The following TFEB variants were observed in gnomAD, a reference collection of about 807,000 sequenced individuals.
The protein encoded by TFEB is transcription factor EB.
In TFEB, 12 loss-of-function variants were observed where a neutral mutation model predicts 48.0. The observed-to-expected ratio is 0.25, with a 90% CI of 0.16 to 0.40. TFEB has a LOEUF of 0.40. Among genes scored for constraint, TFEB ranks in the 10% least tolerant of loss-of-function variants. The pLI is 1.00. For synonymous variants in TFEB, 244 were observed against 261.4 expected (o/e 0.93, Z 0.64); for missense variants, 509 against 640.3 (o/e 0.79, Z 2.21).
chr6:41,730,702 A>C lies in TFEB; in HGVS notation c.-23+4648T>G, dbSNP rs1298369903. 6.6e-6 allele frequency among the ~76,000 whole-genome samples: 1 copy of C among 152,140 alleles called. No individual in the cohort carries two copies. Among genetic ancestry groups the C allele is most frequent in the Non-Finnish European group, 1.5e-5 (1 of 68,034 alleles). On this transcript the variant is annotated intron_variant, in intron 1 of 8. Transcript: ENST00000373033. The surrounding 1 kb of genome is among the most constrained non-coding windows in gnomAD (Gnocchi z 4.1). ...GATCCTACCCTATCACTGCGATTTT[A>C]TCTCTGTCCCCAATGACATCACAGC...
chr6:41,685,318 A>AT, intron 8 of TFEB, among the ~76,000 whole-genome samples: 1 of 152,292 alleles, frequency 6.6e-6, no homozygotes, highest in Non-Finnish European at 1.5e-5. Context: ...CCAGCTTTCT[A>AT]TTTTTTTAAT....
At chr6:41,732,663 T>A (rs1771503277) in intron 1 of TFEB, 1 of 985,754 alleles carries the variant, frequency 1.0e-6, no homozygotes, top group South Asian at 4.7e-5. Context: ...TACCAGGCAC[T>A]GCCGCACCCT....
At chr6:41,726,587 C>T (rs967353823) in intron 1 of TFEB, among the ~76,000 whole-genome samples, 4 of 152,036 alleles carry the variant, frequency 2.6e-5, no homozygotes, top group African/African-American at 4.8e-5. Flanking sequence ...ATTACAGGTG[C>T]GTGCCACAAC....
Position 41,720,362 on chromosome 6 carries a change from C to A in TFEB, c.-23+14988G>T, listed in dbSNP as rs9471635. ...GTCACAGGCTTCTCCTCCCACTGCCCTAGGTCACAGGGTAGGGAGGCCAGG... is the reference window on the plus strand; with the variant it reads ...GTCACAGGCTTCTCCTCCCACTGCCATAGGTCACAGGGTAGGGAGGCCAGG... On this transcript the variant is annotated intron_variant, in intron 1 of 8. Coordinates refer to ENST00000373033, the MANE Select transcript of TFEB (RefSeq NM_001271944.2). The surrounding 1 kb of genome is among the most constrained non-coding windows in gnomAD (Gnocchi z 4.1). 0.1 allele frequency: 15,698 copies of A among 152,260 alleles called. 1,054 individuals are homozygous for A. Among genetic ancestry groups the A allele is most frequent in the African/African-American group, 0.17 (7,113 of 41,482 alleles). The allele number at this position is 152,260 out of a possible 1,614,324, so 9.4% of individuals were successfully genotyped here.
intron 1 of TFEB, among the ~76,000 whole-genome samples, chr6:41,731,924 G>T (rs914663857): frequency 1.3e-5 from 2 of 152,236 alleles, no homozygotes; most frequent in East Asian, 1.9e-4. Flanking sequence ...GTCAAGACAG[G>T]TTCCAGCCGG....
chr6:41,702,531 C>T (rs948569151), intron 1 of TFEB, among the ~76,000 whole-genome samples: 2 of 152,124 alleles, frequency 1.3e-5, no homozygotes, highest in African/African-American at 4.8e-5. Context: ...ACTCCACTTG[C>T]CCCAAGTACC....
At chr6:41,731,116 G>A (rs1159329105) in intron 1 of TFEB, among the ~76,000 whole-genome samples, 1 of 152,162 alleles carries the variant, frequency 6.6e-6, no homozygotes, top group Non-Finnish European at 1.5e-5. Flanking sequence ...TTCATTAGGC[G>A]CTATTCTAAG....
At chr6:41,693,187 C>T (rs1169318893) in intron 1 of TFEB, among the ~76,000 whole-genome samples, 1 of 152,174 alleles carries the variant, frequency 6.6e-6, no homozygotes, top group Non-Finnish European at 1.5e-5. Context: ...GCAGCAAAGG[C>T]TGACATGTTC....
intron 1 of TFEB, chr6:41,733,054 TTAA>T (rs1223342538): frequency 1.0e-6 from 1 of 985,298 alleles, no homozygotes; most frequent in Non-Finnish European, 1.2e-6. Flanking sequence ...AGTAACTCTA[TTAA>T]CTCTGGCTAA....
intron 1 of TFEB, 140 bp downstream of exon 1, chr6:41,735,210 C>T: frequency 1.1e-6 from 1 of 904,216 alleles, no homozygotes; most frequent in Non-Finnish European, 1.3e-6. Flanking sequence ...TGGGTGGCGG[C>T]GCGCACGGTC....
chr6:41,696,003 G>A (rs115326010), intron 1 of TFEB, among the ~76,000 whole-genome samples: 2,309 of 152,270 alleles, frequency 0.015, 58 homozygotes, highest in African/African-American at 0.052. Context: ...TGAGGACACC[G>A]AGTGGCCAGC....
At chr6:41,704,391 G>A (rs562772782) in intron 1 of TFEB, among the ~76,000 whole-genome samples, 63 of 152,342 alleles carry the variant, frequency 4.1e-4, no homozygotes, top group African/African-American at 1.4e-3. Flanking sequence ...AAAGGATGGC[G>A]GTAATGCCAC....
In TFEB at chr6:41,724,729, A is replaced by G. The variant is rs1771133760; in HGVS notation, c.-23+10621T>C. On this transcript the variant is annotated intron_variant, in intron 1 of 8. Coordinates refer to ENST00000373033, the MANE Select transcript of TFEB (RefSeq NM_001271944.2). This position sits in a 1 kb window ranked among gnomAD's most constrained non-coding sequence, Gnocchi z 4.4. ...CCATCCAGCTAAGGACAAAGTTGGA[A>G]ATGTTTTTGTCCTGGGCCCCAAGGC... 1.3e-5 allele frequency among the ~76,000 whole-genome samples: 2 copies of G among 152,116 alleles called. No individual in the cohort carries two copies. Among genetic ancestry groups the G allele is most frequent in the African/African-American group, 2.4e-5 (1 of 41,414 alleles).
chr6:41,713,571 C>A (rs1482315586), intron 1 of TFEB, among the ~76,000 whole-genome samples: 1 of 152,132 alleles, frequency 6.6e-6, no homozygotes, highest in Non-Finnish European at 1.5e-5. Flanking sequence ...AGGGCAGCCA[C>A]CTACCCCCAG....
chr6:41,726,546 C>T (rs1010886354), intron 1 of TFEB, among the ~76,000 whole-genome samples: 6 of 151,940 alleles, frequency 3.9e-5, no homozygotes, highest in African/African-American at 9.7e-5. Flanking sequence ...CAGGTTCAAG[C>T]GATTCTCCTG....
At chr6:41,722,475 T>C (rs962438316) in intron 1 of TFEB, among the ~76,000 whole-genome samples, 1 of 152,004 alleles carries the variant, frequency 6.6e-6, no homozygotes, top group African/African-American at 2.4e-5. Context: ...GGGGCAGGGG[T>C]GTGGGTGAGG....
intron 1 of TFEB, among the ~76,000 whole-genome samples, chr6:41,701,641 C>T (rs533969319): frequency 4.6e-4 from 70 of 152,202 alleles, no homozygotes; most frequent in African/African-American, 1.6e-3. Context: ...GATAGGAAAC[C>T]GAGACTCAGA....
intron 1 of TFEB, chr6:41,733,168 C>T: frequency 2.1e-6 from 1 of 478,484 alleles, no homozygotes; most frequent in Non-Finnish European, 2.7e-6. Context: ...TCCCCTTCCA[C>T]CTACTTCTCA....
At chr6:41,687,845 G>T in intron 5 of TFEB, 36 bp from the exon 6 acceptor site, 3 of 1,611,206 alleles carry the variant, frequency 1.9e-6, no homozygotes, top group Non-Finnish European at 2.5e-6. Flanking sequence ...GGAGCTGGGA[G>T]GGAGGGAGAA....
Sources: gnomAD v4.1 joint callset for allele counts (sites outside exome capture counted in the v4.1 genomes callset) on GRCh38, gnomAD v4.1.1 for gene constraint, Gnocchi (gnomAD v3.1) non-coding constraint, MANE v1.5 for transcripts, NCBI Gene and HGNC (gene_info 2026-07-23, HGNC 2026-07-21) for gene names.